Variants in RNFT2 observed in about 807,000 individuals in gnomAD.
RNFT2 encodes E3 ubiquitin-protein ligase RNFT2.
In RNFT2, 36 loss-of-function variants were observed where a neutral mutation model predicts 53.0. That is an observed-to-expected ratio of 0.68 (90% CI 0.52 to 0.90). RNFT2 has a LOEUF of 0.90. Among genes scored for constraint, RNFT2 ranks in the 40% least tolerant of loss-of-function variants. The pLI, the probability that RNFT2 is intolerant of heterozygous loss-of-function variation, is 0.00. For missense variants in RNFT2, 514 were observed against 585.6 expected, an observed-to-expected ratio of 0.88 and a Z score of 1.26; for synonymous variants, 260 against 253.2, an observed-to-expected ratio of 1.03 and a Z score of -0.26.
intron 5 of RNFT2, among the ~76,000 whole-genome samples, chr12:116,758,719 G>A (rs1034127781): frequency 7.2e-5 from 11 of 152,216 alleles, no homozygotes; most frequent in African/African-American, 2.7e-4. Context: ...GGTTTCTGCT[G>A]AGAAATCTGC....
rs544769526 is a variant in RNFT2, at chr12:116,773,674, A to G, written c.729-5521A>G. The stretch of plus-strand genomic sequence containing the variant: ...CAGGCTCAGCAGAGGCCCTAAATGC[A>G]ACTACTTGGAAGAATCTGTAGAGGG... On this transcript the variant is annotated intron_variant, in intron 6 of 10. Coordinates refer to ENST00000257575, the MANE Select transcript of RNFT2 (RefSeq NM_001382266.1). Among the ~76,000 whole-genome samples, 5 of 152,264 alleles carry G rather than the reference A, an allele frequency of 3.3e-5. No individual in the cohort carries two copies. In the South Asian group the frequency reaches 1.0e-3, roughly 32 times the overall value.
chr12:116,786,006 C>T (rs1451195323), intron 7 of RNFT2, among the ~76,000 whole-genome samples: 1 of 152,018 alleles, frequency 6.6e-6, no homozygotes, highest in Non-Finnish European at 1.5e-5. Context: ...GAGCTGAGAC[C>T]GCGCCACTGC....
intron 10 of RNFT2, among the ~76,000 whole-genome samples, chr12:116,841,962 G>A (rs12313741): frequency 5.7e-4 from 2 of 3,524 alleles, no homozygotes; most frequent in African/African-American, 1.4e-3. Context: ...TATATATAGA[G>A]AGAGAGAGAG....
chr12:116,738,428 T>C (rs1416815898), intron 1 of RNFT2, 58 bp downstream of exon 1: 1 of 152,114 alleles, frequency 6.6e-6, no homozygotes, highest in Non-Finnish European at 1.5e-5. Flanking sequence ...TGTAGTCTCC[T>C]GCCCTTGCAG....
At chr12:116,744,382 C>T (rs1467274527) in intron 3 of RNFT2, among the ~76,000 whole-genome samples, 4 of 152,238 alleles carry the variant, frequency 2.6e-5, no homozygotes, top group Admixed American at 6.5e-5. Flanking sequence ...AGATCTCTTG[C>T]GGGCAGAGAG....
intron 7 of RNFT2, among the ~76,000 whole-genome samples, chr12:116,806,970 C>A (rs1465268978): frequency 1.3e-5 from 2 of 152,080 alleles, no homozygotes; most frequent in African/African-American, 4.8e-5. Flanking sequence ...TTAAGTGTTC[C>A]TCTCCCTTTT....
intron 2 of RNFT2, 172 bp downstream of exon 2, chr12:116,740,693 A>G (rs1871563259): frequency 4.4e-6 from 3 of 679,100 alleles, no homozygotes; most frequent in Non-Finnish European, 7.9e-6. Context: ...CAGCAGCATC[A>G]ACCCAGAATC....
At chr12:116,805,585 G>A (rs758333680) in intron 7 of RNFT2, among the ~76,000 whole-genome samples, 3 of 152,028 alleles carry the variant, frequency 2.0e-5, no homozygotes, top group African/African-American at 7.2e-5. Flanking sequence ...AGCAAGTCTC[G>A]TGCCTCAGCC....
intron 7 of RNFT2, among the ~76,000 whole-genome samples, chr12:116,807,368 G>A (rs74238483): frequency 0.04 from 6,130 of 152,114 alleles, 273 homozygotes; most frequent in East Asian, 0.14. Flanking sequence ...ATAATACGAC[G>A]GAGTAATAAT....
In RNFT2 at chr12:116,826,551, A is replaced by C. The variant is rs142295303; in HGVS notation, c.883-7241A>C. Among the ~76,000 whole-genome samples, 52 of 152,330 alleles carry C rather than the reference A, an allele frequency of 3.4e-4. No homozygotes were observed. The East Asian group carries it at 9.8e-3, about 29-fold the overall frequency. ...GAGATGGTTTTGCTGGGATATGCCCAGTTTTCCTTGGTGGTTTGATCTCCT... is the reference window on the plus strand; with the variant it reads ...GAGATGGTTTTGCTGGGATATGCCCCGTTTTCCTTGGTGGTTTGATCTCCT... On this transcript the variant is annotated intron_variant, in intron 7 of 10. Coordinates refer to ENST00000257575, the MANE Select transcript of RNFT2 (RefSeq NM_001382266.1).
intron 7 of RNFT2, among the ~76,000 whole-genome samples, chr12:116,809,777 A>G (rs1350320165): frequency 6.6e-6 from 1 of 152,028 alleles, no homozygotes; most frequent in Non-Finnish European, 1.5e-5. Context: ...GGTTCAAGCT[A>G]TTCTCCTGCC....
intron 1 of RNFT2, among the ~76,000 whole-genome samples, chr12:116,739,247 GC>G (rs1234695660): frequency 6.6e-6 from 1 of 152,192 alleles, no homozygotes; most frequent in Non-Finnish European, 1.5e-5. Flanking sequence ...GAAGTAGATG[GC>G]CCTTATTACC....
At chr12:116,799,971 A>G (rs779512115) in intron 7 of RNFT2, among the ~76,000 whole-genome samples, 2 of 152,174 alleles carry the variant, frequency 1.3e-5, no homozygotes, top group African/African-American at 2.4e-5. Context: ...ACCCTCCCCA[A>G]GGTGATGAGT....
chr12:116,761,233 C>G (rs1044696077), intron 5 of RNFT2, among the ~76,000 whole-genome samples: 1 of 152,216 alleles, frequency 6.6e-6, no homozygotes, highest in African/African-American at 2.4e-5. Context: ...ACTGTAACCT[C>G]TGCCTCCCAG....
chr12:116,836,340 T>G, intron 10 of RNFT2, 58 bp downstream of exon 10: 9 of 1,389,666 alleles, frequency 6.5e-6, no homozygotes, highest in Non-Finnish European at 9.0e-6. Flanking sequence ...GTAGGACCCT[T>G]CCCCATGGGC....
At chr12:116,821,418 A>C (rs576015151) in intron 7 of RNFT2, among the ~76,000 whole-genome samples, 135 of 152,286 alleles carry the variant, frequency 8.9e-4, no homozygotes, top group South Asian at 2.5e-3. Context: ...TCAAGCCTCC[A>C]GGTCGGTGCT....
At chr12:116,847,247 A>T (rs1450789538) in intron 10 of RNFT2, among the ~76,000 whole-genome samples, 1 of 152,116 alleles carries the variant, frequency 6.6e-6, no homozygotes, top group East Asian at 1.9e-4. Flanking sequence ...ATTATTTAAT[A>T]TATGGTACAT....
In RNFT2 at chr12:116,852,385, T is replaced by TCCCCTA; in HGVS notation, c.*2937_*2938insCCCCTA. On this transcript the variant is annotated 3_prime_UTR_variant, in exon 11 of 11. Transcript: ENST00000257575. ...TGCCACCAAACCAGGACTTTCCCCT[T>TCCCCTA]GGCTTGGCATCCCTGGCTCTCTCCT... 7.5e-7 allele frequency: 1 copy of TCCCCTA among 1,337,306 alleles called. No individual in the cohort carries two copies. The highest frequency in any genetic ancestry group is 9.6e-7 in the Non-Finnish European group (1 of 1,043,158). The allele number at this position is 1,337,306 out of a possible 1,614,324, so 82.8% of individuals were successfully genotyped here.
intron 10 of RNFT2, 140 bp from the exon 11 acceptor site, chr12:116,849,174 C>G: frequency 3.3e-6 from 2 of 613,186 alleles, no homozygotes; most frequent in Admixed American, 2.8e-5. Flanking sequence ...ATTTTGGAGT[C>G]GCATTGTCTC....
Sources: allele counts gnomAD v4.1 joint callset (sites outside exome capture counted in the v4.1 genomes callset), GRCh38; gene constraint gnomAD v4.1.1; transcripts MANE v1.5; gene names NCBI Gene and HGNC (gene_info 2026-07-23, HGNC 2026-07-21).